EIF3H: variants seen among roughly 807,000 people sequenced by gnomAD.
EIF3H encodes the protein eIF-3-gamma.
Under a neutral mutation model 44.2 loss-of-function variants are expected in EIF3H, and 26 were observed. That is an observed-to-expected ratio of 0.59 (90% CI 0.43 to 0.82). The LOEUF (loss-of-function observed/expected upper bound fraction) is 0.82, where lower values mean the gene tolerates loss of function less well. Among genes scored for constraint, EIF3H ranks in the 40% least tolerant of loss-of-function variants. The probability of loss-of-function intolerance (pLI) is 0.00; values close to 1 mark genes in which losing one functional copy is unlikely to be tolerated. For synonymous variants in EIF3H, 166 were observed against 151.9 expected (o/e 1.09, Z -0.68); for missense variants, 359 against 432.8 (o/e 0.83, Z 1.51).
chr8:116,652,339 A>G (rs1813407873), intron 5 of EIF3H, among the ~76,000 whole-genome samples: 1 of 152,264 alleles, frequency 6.6e-6, no homozygotes, highest in Non-Finnish European at 1.5e-5. Context: ...CTGGGAAATC[A>G]GTGGGAAATG....
At chr8:116,707,871 C>T (rs1251001314) in intron 2 of EIF3H, among the ~76,000 whole-genome samples, 1 of 152,130 alleles carries the variant, frequency 6.6e-6, no homozygotes, top group Non-Finnish European at 1.5e-5. Context: ...CGAACTAAGT[C>T]TCTGATCTAA....
At chr8:116,661,331 A>C (rs1018986472) in intron 2 of EIF3H, among the ~76,000 whole-genome samples, 2 of 152,252 alleles carry the variant, frequency 1.3e-5, no homozygotes, top group African/African-American at 4.8e-5. Context: ...TTTTTAAATC[A>C]AAACTTATGC....
At chr8:116,713,253 ATTACT>A (rs1414883522) in intron 2 of EIF3H, among the ~76,000 whole-genome samples, 1 of 152,156 alleles carries the variant, frequency 6.6e-6, no homozygotes, top group Non-Finnish European at 1.5e-5. Flanking sequence ...ATCTTACGGT[ATTACT>A]TTAAGTCTGC....
At chr8:116,696,199 A>G (rs1298579095) in intron 2 of EIF3H, among the ~76,000 whole-genome samples, 3 of 152,212 alleles carry the variant, frequency 2.0e-5, no homozygotes, top group East Asian at 1.9e-4. Flanking sequence ...GTACAAAATG[A>G]GCCTGGAACA....
chr8:116,743,810 AC>A (rs60155470), intron 1 of EIF3H, among the ~76,000 whole-genome samples: 33 of 102,320 alleles, frequency 3.2e-4, no homozygotes, highest in African/African-American at 1.7e-3. Context: ...ACACACACAC[AC>A]ACACACACAC....
At chr8:116,662,149 A>G (rs573045655) in intron 2 of EIF3H, among the ~76,000 whole-genome samples, 83 of 152,334 alleles carry the variant, frequency 5.4e-4, no homozygotes, top group African/African-American at 1.9e-3. Context: ...AAAAATATAC[A>G]ATGCACTAGA....
At chr8:116,647,872 A>AT (rs1813329935) in intron 6 of EIF3H, among the ~76,000 whole-genome samples, 3 of 151,856 alleles carry the variant, frequency 2.0e-5, no homozygotes, top group African/African-American at 7.3e-5. Flanking sequence ...AGCTGAGATG[A>AT]CTTTTTTCCC....
chr8:116,647,226 C>G (rs550068150), intron 6 of EIF3H, among the ~76,000 whole-genome samples: 1 of 152,158 alleles, frequency 6.6e-6, no homozygotes, highest in Non-Finnish European at 1.5e-5. Flanking sequence ...CTCAGCCTCC[C>G]GAGTAGTTGG....
intron 2 of EIF3H, among the ~76,000 whole-genome samples, chr8:116,716,605 A>G (rs920136612): frequency 6.6e-6 from 1 of 152,132 alleles, no homozygotes; most frequent in Non-Finnish European, 1.5e-5. Context: ...ACAATAAGAC[A>G]TGAAGTTACA....
chr8:116,725,671 T>C (rs1448489482), intron 2 of EIF3H, among the ~76,000 whole-genome samples: 4 of 152,154 alleles, frequency 2.6e-5, no homozygotes, highest in Non-Finnish European at 4.4e-5. Flanking sequence ...CAAAAGAGGA[T>C]AGAAGGGAAT....
At chr8:116,722,046 G>T (rs965839899) in intron 2 of EIF3H, among the ~76,000 whole-genome samples, 4 of 152,156 alleles carry the variant, frequency 2.6e-5, no homozygotes, top group Non-Finnish European at 5.9e-5. Flanking sequence ...AGCCAGGGTG[G>T]AATGATATGG....
chr8:116,645,293 T>C (rs1813279537), intron 7 of EIF3H, among the ~76,000 whole-genome samples, 190 bp from the exon 8 acceptor site: 1 of 152,152 alleles, frequency 6.6e-6, no homozygotes, highest in Admixed American at 6.5e-5. Flanking sequence ...CACTCTCAAT[T>C]ACATGGAGAA....
intron 1 of EIF3H, among the ~76,000 whole-genome samples, chr8:116,730,840 C>T (rs1814939800): frequency 6.6e-6 from 1 of 152,210 alleles, no homozygotes; most frequent in South Asian, 2.1e-4. Flanking sequence ...ATGTCAAGCA[C>T]TCCACCGTCT....
intron 2 of EIF3H, among the ~76,000 whole-genome samples, chr8:116,701,903 T>C (rs1423005888): frequency 6.6e-6 from 1 of 152,242 alleles, no homozygotes; most frequent in Non-Finnish European, 1.5e-5. Context: ...ATTCTGCATT[T>C]TAGTTAATGG....
intron 2 of EIF3H, among the ~76,000 whole-genome samples, chr8:116,663,630 T>C (rs1813617006): frequency 6.6e-6 from 1 of 152,082 alleles, no homozygotes; most frequent in South Asian, 2.1e-4. Context: ...AACACATAAA[T>C]TTCAAAGACA....
At position 116,646,623 on chromosome 8, in the gene EIF3H, T is replaced by C; in HGVS notation, c.829-20A>G. 1 of 1,612,732 alleles carries C rather than the reference T, an allele frequency of 6.2e-7. No homozygotes were observed. Among genetic ancestry groups the C allele is most frequent in the Non-Finnish European group, 8.5e-7 (1 of 1,178,986 alleles). Reference sequence around the variant, plus strand: ...CTGATACTAAAATTCAAAGGGAAAATGGTTTGGTTATTTTTCTCCATCTGA... The same window carrying C: ...CTGATACTAAAATTCAAAGGGAAAACGGTTTGGTTATTTTTCTCCATCTGA... On this transcript the variant is annotated intron_variant, in intron 6 of 7. Coordinates refer to ENST00000521861, the MANE Select transcript of EIF3H (RefSeq NM_003756.3).
At chr8:116,646,898 A>G (rs1295855572) in intron 6 of EIF3H, among the ~76,000 whole-genome samples, 1 of 152,188 alleles carries the variant, frequency 6.6e-6, no homozygotes, top group Non-Finnish European at 1.5e-5. Flanking sequence ...GAAGCTCATG[A>G]CTAGTAAGGT....
At chr8:116,649,203 T>C (rs768970192) in intron 5 of EIF3H, among the ~76,000 whole-genome samples, 13 of 152,214 alleles carry the variant, frequency 8.5e-5, no homozygotes, top group Non-Finnish European at 1.2e-4. Context: ...TAAACATACC[T>C]AGTGAGACAT....
At chr8:116,702,033 T>C (rs943122226) in intron 2 of EIF3H, among the ~76,000 whole-genome samples, 1 of 152,212 alleles carries the variant, frequency 6.6e-6, no homozygotes, top group Non-Finnish European at 1.5e-5. Flanking sequence ...ATATACAGTC[T>C]GGTAAGAATC....
Sources: allele counts gnomAD v4.1 joint callset (sites outside exome capture counted in the v4.1 genomes callset), GRCh38; gene constraint gnomAD v4.1.1; transcripts MANE v1.5; gene names NCBI Gene and HGNC (gene_info 2026-07-23, HGNC 2026-07-21).